The following USP45 variants were observed in gnomAD, a reference collection of about 807,000 sequenced individuals.
USP45 encodes the protein ubiquitin specific peptidase 45.
Under a neutral mutation model 95.8 loss-of-function variants are expected in USP45, and 89 were observed. The observed-to-expected ratio is 0.93, with a 90% CI of 0.78 to 1.11. The LOEUF is 1.11. USP45 is among the 50% of genes least tolerant of loss of function. The pLI is 0.00. For missense variants in USP45, 898 were observed against 942.5 expected, an observed-to-expected ratio of 0.95 and a Z score of 0.62; for synonymous variants, 281 against 316.2, an observed-to-expected ratio of 0.89 and a Z score of 1.18.
At chr6:99,490,858 C>T (rs949795746) in intron 5 of USP45, among the ~76,000 whole-genome samples, 1 of 152,176 alleles carries the variant, frequency 6.6e-6, no homozygotes, top group Non-Finnish European at 1.5e-5. Flanking sequence ...GTGTGAGCCA[C>T]CGCGCCCAGC....
intron 16 of USP45, among the ~76,000 whole-genome samples, chr6:99,438,424 T>C (rs1009912482): frequency 6.6e-6 from 1 of 152,196 alleles, no homozygotes; most frequent in East Asian, 1.9e-4. Flanking sequence ...TAGAATGTCA[T>C]GGAGAAAAGC....
At chr6:99,507,733 A>T (rs1209637391) in intron 3 of USP45, among the ~76,000 whole-genome samples, 1 of 152,228 alleles carries the variant, frequency 6.6e-6, no homozygotes, top group Non-Finnish European at 1.5e-5. Context: ...TACAGTATTT[A>T]CCTAAAACAA....
chr6:99,439,755 T>C lies in USP45; in HGVS notation c.2160+14A>G. 6.6e-7 allele frequency: 1 copy of C among 1,524,062 alleles called. No homozygotes were observed. The highest frequency in any genetic ancestry group is 8.9e-7 in the Non-Finnish European group (1 of 1,128,984). The allele number at this position is 1,524,062 out of a possible 1,614,324, so 94.4% of individuals were successfully genotyped here. On this transcript the variant is annotated intron_variant, in intron 16 of 17. Coordinates refer to ENST00000500704, the MANE Select transcript of USP45 (RefSeq NM_001346022.3). ...TTAATTTATAAATCAATTAAATATC[T>C]TAATATACTGTACCTTACAAGTAGC...
intron 8 of USP45, among the ~76,000 whole-genome samples, chr6:99,480,116 T>C (rs1000184274): frequency 2.0e-5 from 3 of 152,142 alleles, no homozygotes; most frequent in South Asian, 2.1e-4. Context: ...CAATGAACAA[T>C]TGGAAATTGA....
intron 13 of USP45, among the ~76,000 whole-genome samples, chr6:99,448,348 G>T (rs548427618): frequency 1.3e-5 from 2 of 152,276 alleles, no homozygotes; most frequent in East Asian, 3.9e-4. Flanking sequence ...GTCCTTAAAT[G>T]ACCTGATTGA....
At chr6:99,503,738 G>T in intron 5 of USP45, 27 bp downstream of exon 5, 1 of 1,424,566 alleles carries the variant, frequency 7.0e-7, no homozygotes, top group South Asian at 1.3e-5. Context: ...TTTTAACACA[G>T]ATTCCTTTAG....
intron 9 of USP45, among the ~76,000 whole-genome samples, chr6:99,475,365 G>A (rs185000953): frequency 1.2e-3 from 173 of 149,594 alleles, no homozygotes; most frequent in African/African-American, 4.2e-3. Context: ...CACCCAGGCT[G>A]GAGTGCAGTG....
At chr6:99,507,723 T>C (rs1459827183) in intron 3 of USP45, among the ~76,000 whole-genome samples, 192 bp from the exon 4 acceptor site, 3 of 152,368 alleles carry the variant, frequency 2.0e-5, no homozygotes, top group East Asian at 3.9e-4. Flanking sequence ...ATGCTCAATA[T>C]ACAGTATTTA....
intron 8 of USP45, among the ~76,000 whole-genome samples, chr6:99,479,626 T>C (rs1222876619): frequency 1.4e-5 from 2 of 145,718 alleles, no homozygotes; most frequent in Non-Finnish European, 3.0e-5. Context: ...AAAAGATTAT[T>C]TGGATACAGA....
At chr6:99,466,090 C>G (rs1310555825) in intron 11 of USP45, among the ~76,000 whole-genome samples, 1 of 151,766 alleles carries the variant, frequency 6.6e-6, no homozygotes, top group Non-Finnish European at 1.5e-5. Context: ...GATCTCGGCT[C>G]ACTGCAACCC....
At chr6:99,447,733 G>A (rs1053642806) in intron 13 of USP45, among the ~76,000 whole-genome samples, 6 of 152,122 alleles carry the variant, frequency 3.9e-5, no homozygotes, top group South Asian at 2.1e-4. Flanking sequence ...ATCTGAGAAC[G>A]GACAGACTGC....
chr6:99,445,363 A>G (rs1782314519), intron 14 of USP45, among the ~76,000 whole-genome samples: 1 of 151,856 alleles, frequency 6.6e-6, no homozygotes, highest in African/African-American at 2.4e-5. Flanking sequence ...GGCGCCTGTA[A>G]TCTCAGCTAC....
chr6:99,463,733 AC>A (rs1159093513), intron 13 of USP45, among the ~76,000 whole-genome samples: 1 of 147,742 alleles, frequency 6.8e-6, no homozygotes, highest in East Asian at 2.0e-4. Context: ...AATCGCTTGA[AC>A]CCAGGAGGCA....
At chr6:99,439,705 AAT>A in intron 16 of USP45, 62 bp downstream of exon 16, 1 of 1,158,796 alleles carries the variant, frequency 8.6e-7, no homozygotes, top group Non-Finnish European at 1.2e-6. Context: ...ATTGTCTAAT[AAT>A]ATATAGGATA....
At chr6:99,511,147 CAT>C (rs1231645533) in intron 1 of USP45, among the ~76,000 whole-genome samples, 5 of 151,638 alleles carry the variant, frequency 3.3e-5, no homozygotes, top group African/African-American at 1.2e-4. Flanking sequence ...AATGAACACT[CAT>C]ATACTAATTA....
upstream of USP45, among the ~76,000 whole-genome samples, chr6:99,516,414 G>C (rs191331307): frequency 1.6e-4 from 25 of 152,332 alleles, no homozygotes; most frequent in Middle Eastern, 6.8e-3. Context: ...TTAAGGATAA[G>C]AGCATTGGCG....
intron 15 of USP45, among the ~76,000 whole-genome samples, chr6:99,441,098 C>A (rs751862712): frequency 3.4e-4 from 52 of 152,200 alleles, no homozygotes; most frequent in Non-Finnish European, 5.9e-4. Context: ...AATTTGATAT[C>A]CTGCACATTG....
intron 2 of USP45, 142 bp from the exon 3 acceptor site, chr6:99,508,924 C>T: frequency 1.6e-6 from 1 of 631,212 alleles, no homozygotes. Flanking sequence ...AAGATATATG[C>T]TATATAATTC....
chr6:99,473,879 A>G (rs982049018), intron 9 of USP45, among the ~76,000 whole-genome samples: 11 of 152,030 alleles, frequency 7.2e-5, no homozygotes, highest in African/African-American at 2.7e-4. Flanking sequence ...AAGAGATCAC[A>G]ATCTAAGAAA....
Sources: allele counts gnomAD v4.1 joint callset (sites outside exome capture counted in the v4.1 genomes callset), GRCh38; gene constraint gnomAD v4.1.1; transcripts MANE v1.5; gene names NCBI Gene and HGNC (gene_info 2026-07-23, HGNC 2026-07-21).